Variants in TMEM14C observed in about 807,000 individuals in gnomAD.
TMEM14C encodes chromosome 6 open reading frame 53.
A neutral mutation model predicts 14.8 loss-of-function variants in TMEM14C; 13 were observed. The observed-to-expected ratio is 0.88, with a 90% CI of 0.57 to 1.40. The LOEUF (loss-of-function observed/expected upper bound fraction) is 1.40. TMEM14C is among the 40% of genes most tolerant of loss of function. TMEM14C has a pLI of 0.00. For synonymous variants in TMEM14C, 57 were observed against 51.3 expected, an observed-to-expected ratio of 1.11 and a Z score of -0.48; for missense variants, 142 against 138.8, an observed-to-expected ratio of 1.02 and a Z score of -0.12.
chr6:10,725,539 CCTT>C (rs1221940530), intron 3 of TMEM14C, among the ~76,000 whole-genome samples: 1 of 152,150 alleles, frequency 6.6e-6, no homozygotes, highest in African/African-American at 2.4e-5. Flanking sequence ...GGCCTTATCT[CCTT>C]CTCCTTTTGT....
rs118100898 is a variant in TMEM14C at position 10,728,221 on chromosome 6, C to A, written c.200-419C>A. 6.2e-4 allele frequency among the ~76,000 whole-genome samples: 94 copies of A among 152,348 alleles called. No individual in the cohort carries two copies. The East Asian group carries it at 0.016, about 26-fold the overall frequency. ...AAAAGGGCAAAGACAGTTACAATAA[C>A]CTTTGTATTCTCCAGCTCCTAGCAC... On this transcript the variant is annotated intron_variant, in intron 4 of 5. Transcript: ENST00000229563.
chr6:10,730,185 T>A (rs1180410448), intron 5 of TMEM14C, among the ~76,000 whole-genome samples: 2 of 152,208 alleles, frequency 1.3e-5, no homozygotes, highest in South Asian at 2.1e-4. Flanking sequence ...GGGGAATTTT[T>A]AAAAATCTGT....
Position 10,730,723 on chromosome 6 carries a change from A to C in TMEM14C, c.*57A>C. 1 of 1,524,016 alleles carries C rather than the reference A, an allele frequency of 6.6e-7. No homozygotes were observed. Among genetic ancestry groups the C allele is most frequent in the Non-Finnish European group, 8.9e-7 (1 of 1,128,314 alleles). 94.4% of individuals were successfully genotyped at this position (1,524,016 alleles called of 1,614,324 possible). A position where few individuals can be genotyped will look rare whatever the true frequency, so the allele number is the denominator to read the frequency against. On this transcript the variant is annotated 3_prime_UTR_variant, in exon 6 of 6. Transcript: ENST00000229563. ...GAATTAAAAATCTGCATCTTCCACT[A>C]TTTTCAATATATTAAGAGAAATAAG... is the stretch of plus-strand genomic sequence containing the variant.
intron 2 of TMEM14C, 107 bp downstream of exon 2, chr6:10,724,740 G>A (rs946927071): frequency 1.5e-6 from 2 of 1,349,700 alleles, no homozygotes; most frequent in African/African-American, 1.4e-5. Context: ...ATGGCATGGG[G>A]GATGGGAGGA....
intron 5 of TMEM14C, among the ~76,000 whole-genome samples, chr6:10,729,667 C>T (rs1042460690): frequency 6.6e-6 from 1 of 152,078 alleles, no homozygotes; most frequent in Non-Finnish European, 1.5e-5. Context: ...ATCCCAGCTA[C>T]TCGGAAGGCT....
intron 1 of TMEM14C, among the ~76,000 whole-genome samples, chr6:10,723,824 G>T (rs1364006825): frequency 6.6e-6 from 1 of 152,016 alleles, no homozygotes; most frequent in African/African-American, 2.4e-5. Flanking sequence ...GGCTGGTCTT[G>T]AACTCCTAAC....
chr6:10,727,536 C>T lies in TMEM14C; in HGVS notation c.200-1104C>T, dbSNP rs567521317. Among the ~76,000 whole-genome samples, 31 of 152,030 alleles carry T rather than the reference C, an allele frequency of 2.0e-4. 1 individual carries two copies. The highest frequency in any genetic ancestry group is 2.0e-3 in the Admixed American group (31 of 15,268). The stretch of plus-strand genomic sequence containing the variant: ...CTATTTTTAGTAGAGACAGGAGTTT[C>T]GCCATGTTGTCCAGGCTGGTCTGTA... On this transcript the variant is annotated intron_variant, in intron 4 of 5. Transcript: ENST00000229563.
chr6:10,728,709 G>A lies in TMEM14C; in HGVS notation c.269G>A (p.Gly90Asp), dbSNP rs747876553. ...FYHSGKFMPAGLIAGASLLMV... is the reference protein window; with the variant it reads ...FYHSGKFMPADLIAGASLLMV... ...CACTCTGGAAAATTCATGCCTGCAG[G>A]TTTAATTGCAGGTGCCAGGTACTTT... Residue 90 changes from glycine (G) to aspartate (D), a missense_variant, in exon 5 of 6, where the codon GGT (glycine) becomes GAT (aspartate). Transcript: ENST00000229563. 12 of 1,614,058 alleles carry A rather than the reference G, an allele frequency of 7.4e-6. No homozygotes were observed. In the East Asian group the frequency reaches 2.4e-4, roughly 33 times the overall value.
rs1000743943 is a variant in TMEM14C at position 10,723,195 on chromosome 6, C to T, written c.-91C>T. 4 of 152,348 alleles carry T rather than the reference C, an allele frequency of 2.6e-5. No individual in the cohort carries two copies. Among genetic ancestry groups the T allele is most frequent in the Admixed American group, 2.6e-4 (4 of 15,294 alleles). The allele number at this position is 152,348 out of a possible 1,614,324, so 9.4% of individuals were successfully genotyped here. A position where few individuals can be genotyped will look rare whatever the true frequency, so the allele number is the denominator to read the frequency against. ...TTCCGGCGACACCTCGCAGTCATTC[C>T]TGCGGCTTGCGCGCCCTTGTAGACA... is the stretch of plus-strand genomic sequence containing the variant. On this transcript the variant is annotated 5_prime_UTR_variant, in exon 1 of 6. Coordinates refer to ENST00000229563, the MANE Select transcript of TMEM14C (RefSeq NM_016462.4).
chr6:10,728,485 T>A (rs961827218), intron 4 of TMEM14C, among the ~76,000 whole-genome samples, 155 bp from the exon 5 acceptor site: 1 of 152,184 alleles, frequency 6.6e-6, no homozygotes, highest in Non-Finnish European at 1.5e-5. Context: ...ACCCATAGGA[T>A]GTGGGCAGTC....
chr6:10,725,578 A>C (rs1436712170), intron 3 of TMEM14C, among the ~76,000 whole-genome samples: 1 of 152,130 alleles, frequency 6.6e-6, no homozygotes, highest in Non-Finnish European at 1.5e-5. Context: ...CTGCCTGTAC[A>C]CAATTCCAGT....
At chr6:10,725,292 T>G (rs1770824407) in intron 3 of TMEM14C, among the ~76,000 whole-genome samples, 1 of 152,184 alleles carries the variant, frequency 6.6e-6, no homozygotes, top group Non-Finnish European at 1.5e-5. Context: ...GGTTGTAGTT[T>G]GTTATTATCG....
At chr6:10,723,475 T>C (rs571518848) in intron 1 of TMEM14C, among the ~76,000 whole-genome samples, 26 of 152,284 alleles carry the variant, frequency 1.7e-4, no homozygotes, top group Admixed American at 2.6e-4. Flanking sequence ...GCCTCGTTTC[T>C]TGGTGATTTT....
Position 10,730,872 on chromosome 6 carries a change from A to G in TMEM14C, c.*206A>G, listed in dbSNP as rs1046191. The G allele has an allele frequency of 1.4e-5, 18 of 1,256,594 alleles. No individual in the cohort carries two copies. Among genetic ancestry groups the G allele is most frequent in the Non-Finnish European group, 1.7e-5 (17 of 994,918 alleles). 77.8% of individuals were successfully genotyped at this position (1,256,594 alleles called of 1,614,324 possible). On this transcript the variant is annotated 3_prime_UTR_variant, in exon 6 of 6. Coordinates refer to ENST00000229563, the MANE Select transcript of TMEM14C (RefSeq NM_016462.4). ...CGAGTATGTAACACAAGAGCTTAAT[A>G]AGACCCTCATAGAGCTTGATTCTTG...
At chr6:10,723,896 G>C (rs146780271) in intron 1 of TMEM14C, among the ~76,000 whole-genome samples, 1 of 152,282 alleles carries the variant, frequency 6.6e-6, no homozygotes, top group African/African-American at 2.4e-5. Flanking sequence ...CAGCCACTGC[G>C]CTTGGCCTAA....
intron 2 of TMEM14C, 28 bp downstream of exon 2, chr6:10,724,661 G>A (rs1770803461): frequency 9.9e-6 from 16 of 1,609,256 alleles, no homozygotes; most frequent in Non-Finnish European, 1.4e-5. Flanking sequence ...GTATGGAGTA[G>A]CCAGGAGCTT....
At chr6:10,724,301 G>C (rs532445075) in intron 1 of TMEM14C, 13 of 319,898 alleles carry the variant, frequency 4.1e-5, no homozygotes, top group African/African-American at 2.5e-4. Flanking sequence ...GGATCTTGCT[G>C]AGTTTCCCGT....
At position 10,724,970 on chromosome 6, in the gene TMEM14C, G is replaced by A; in HGVS notation, c.30G>A (p.Leu10=). ...CCTCTTGTGTTTTCAGAGTGCCTTT[G>A]CATTGGTTTGGCTTTGGCTACGCAG... MQDTGSVVP[L]HWFGFGYAAL... Residue 10 remains leucine (L), a synonymous_variant, in exon 3 of 6, where the codon TTG becomes TTA. Coordinates refer to ENST00000229563, the MANE Select transcript of TMEM14C (RefSeq NM_016462.4). 2 of 1,614,248 alleles carry A rather than the reference G, an allele frequency of 1.2e-6. No homozygotes were observed. Among genetic ancestry groups the A allele is most frequent in the Non-Finnish European group, 1.7e-6 (2 of 1,180,050 alleles).
rs897529856 is a variant in TMEM14C, at chr6:10,724,497, G to C, written c.-44-73G>C. Reference sequence around the variant, plus strand: ...GAGACTTAGGTTGCGTAGCTTGCAGGTTGGACACACTTCTTTCTGACTGCT... The same window carrying C: ...GAGACTTAGGTTGCGTAGCTTGCAGCTTGGACACACTTCTTTCTGACTGCT... On this transcript the variant is annotated intron_variant, in intron 1 of 5. Coordinates refer to ENST00000229563, the MANE Select transcript of TMEM14C (RefSeq NM_016462.4). 14 of 991,506 alleles carry C rather than the reference G, an allele frequency of 1.4e-5. No homozygotes were observed. The African/African-American group carries it at 1.9e-4, about 14-fold the overall frequency. 61.4% of individuals were successfully genotyped at this position (991,506 alleles called of 1,614,324 possible).
Sources: gnomAD v4.1 joint callset for allele counts (sites outside exome capture counted in the v4.1 genomes callset) on GRCh38, gnomAD v4.1.1 for gene constraint, MANE v1.5 for transcripts, NCBI Gene and HGNC (gene_info 2026-07-23, HGNC 2026-07-21) for gene names.